The following CLSTN2 variants were observed in gnomAD, a reference collection of about 807,000 sequenced individuals.
The protein encoded by CLSTN2 is calsyntenin-2.
CLSTN2 carries 48 observed loss-of-function variants against 101.2 expected under a neutral mutation model. That is an observed-to-expected ratio of 0.47 (90% CI 0.38 to 0.60). The LOEUF is 0.60. CLSTN2 is among the 20% of genes least tolerant of loss of function. The pLI, the probability that CLSTN2 is intolerant of heterozygous loss-of-function variation, is 0.00. For synonymous variants in CLSTN2, 481 were observed against 463.6 expected (o/e 1.04, Z -0.48); for missense variants, 1,160 against 1,238.2 (o/e 0.94, Z 0.95).
chr3:140,036,751 A>G (rs1348862550), intron 1 of CLSTN2, among the ~76,000 whole-genome samples: 2 of 151,776 alleles, frequency 1.3e-5, no homozygotes, highest in South Asian at 2.1e-4. Flanking sequence ...CCAACATCAG[A>G]TAGAATGCAA....
chr3:140,033,683 G>A (rs1276369388), intron 1 of CLSTN2, among the ~76,000 whole-genome samples: 1 of 152,200 alleles, frequency 6.6e-6, no homozygotes, highest in African/African-American at 2.4e-5. Flanking sequence ...TATTCTTCAG[G>A]GTTCCTGGCT....
intron 4 of CLSTN2, among the ~76,000 whole-genome samples, chr3:140,407,912 A>G (rs905597250): frequency 6.6e-6 from 1 of 152,220 alleles, no homozygotes; most frequent in Non-Finnish European, 1.5e-5. Context: ...GATAATTTAC[A>G]GGATGCATGG....
At chr3:140,126,028 A>T (rs2009424456) in intron 1 of CLSTN2, among the ~76,000 whole-genome samples, 3 of 152,088 alleles carry the variant, frequency 2.0e-5, no homozygotes, top group African/African-American at 7.2e-5. Context: ...AGGCGATAGG[A>T]GGTGATGGTC....
chr3:140,364,786 T>C lies in CLSTN2; in HGVS notation c.233-38843T>C, dbSNP rs151077929. ...TGTGTATTACAGCCACAGGGAAATTTATTCATTCATTCATTCATTCAGGAA... is the reference window on the plus strand; with the variant it reads ...TGTGTATTACAGCCACAGGGAAATTCATTCATTCATTCATTCATTCAGGAA... On this transcript the variant is annotated intron_variant, in intron 2 of 16. Coordinates refer to ENST00000458420, the MANE Select transcript of CLSTN2 (RefSeq NM_022131.3). Among the ~76,000 whole-genome samples, 105 of 152,278 alleles carry C rather than the reference T, an allele frequency of 6.9e-4. 2 individuals are homozygous for C. The East Asian group carries it at 0.011, about 16-fold the overall frequency.
chr3:140,063,891 G>T (rs544039594), intron 1 of CLSTN2, among the ~76,000 whole-genome samples: 1 of 152,304 alleles, frequency 6.6e-6, no homozygotes, highest in African/African-American at 2.4e-5. Flanking sequence ...ACCCAGAACA[G>T]CACGGCCATT....
intron 2 of CLSTN2, among the ~76,000 whole-genome samples, chr3:140,292,362 C>T (rs1477779687): frequency 6.6e-6 from 1 of 152,218 alleles, no homozygotes; most frequent in Non-Finnish European, 1.5e-5. Context: ...TCTGATTCAC[C>T]CAGTTAACTA....
Position 140,568,793 on chromosome 3 carries a change from G to C in CLSTN2, c.*2540G>C, listed in dbSNP as rs1985414881. 1 of 152,112 alleles carries C rather than the reference G, an allele frequency of 6.6e-6. No homozygotes were observed. The highest frequency in any genetic ancestry group is 1.5e-5 in the Non-Finnish European group (1 of 68,046). 9.4% of individuals were successfully genotyped at this position (152,112 alleles called of 1,614,324 possible). On this transcript the variant is annotated 3_prime_UTR_variant, in exon 17 of 17. Transcript: ENST00000458420. ...CTGGGTGGCTGCCTTATTCATAGTTGAGAGAGCTGTTAGGTAAAATCTTTA... is the reference window on the plus strand; with the variant it reads ...CTGGGTGGCTGCCTTATTCATAGTTCAGAGAGCTGTTAGGTAAAATCTTTA...
chr3:140,099,879 C>G (rs983235835), intron 1 of CLSTN2, among the ~76,000 whole-genome samples: 1 of 152,124 alleles, frequency 6.6e-6, no homozygotes, highest in African/African-American at 2.4e-5. Context: ...CTTCTGTTGG[C>G]CAGGCTCTGG....
At chr3:139,982,822 T>C (rs1935953392) in intron 1 of CLSTN2, among the ~76,000 whole-genome samples, 1 of 152,060 alleles carries the variant, frequency 6.6e-6, no homozygotes, top group Non-Finnish European at 1.5e-5. Context: ...TTGAGATAAG[T>C]TGGAAATGTT....
chr3:140,304,950 T>A (rs1028938347), intron 2 of CLSTN2, among the ~76,000 whole-genome samples: 16 of 152,136 alleles, frequency 1.1e-4, no homozygotes, highest in African/African-American at 3.9e-4. Flanking sequence ...ATGCCCTGAA[T>A]GTTGCATTAG....
chr3:140,372,240 C>T (rs969343569), intron 2 of CLSTN2, among the ~76,000 whole-genome samples: 4 of 152,170 alleles, frequency 2.6e-5, no homozygotes, highest in Non-Finnish European at 5.9e-5. Context: ...AGATGGCCTC[C>T]TGATCCCCGT....
chr3:140,575,319 A>G lies in CLSTN2; in HGVS notation c.*9066A>G, dbSNP rs1985699502. The G allele has an allele frequency of 6.6e-6, 1 of 152,212 alleles. No homozygotes were observed. The highest frequency in any genetic ancestry group is 1.5e-5 in the Non-Finnish European group (1 of 68,074). 9.4% of individuals were successfully genotyped at this position (152,212 alleles called of 1,614,324 possible). On this transcript the variant is annotated 3_prime_UTR_variant, in exon 17 of 17. Coordinates refer to ENST00000458420, the MANE Select transcript of CLSTN2 (RefSeq NM_022131.3). Reference sequence around the variant, plus strand: ...GGGTACAAGTGACAGCACCAGGAACAACCCCCTCCCCCAGATGCCAAAGCA... The same window carrying G: ...GGGTACAAGTGACAGCACCAGGAACGACCCCCTCCCCCAGATGCCAAAGCA...
intron 2 of CLSTN2, among the ~76,000 whole-genome samples, chr3:140,392,971 A>G (rs1420140149): frequency 6.6e-6 from 1 of 152,102 alleles, no homozygotes; most frequent in Non-Finnish European, 1.5e-5. Flanking sequence ...ATATGACAAG[A>G]AGGCTGAGTG....
At chr3:140,184,515 G>C (rs960636564) in intron 2 of CLSTN2, among the ~76,000 whole-genome samples, 9 of 152,118 alleles carry the variant, frequency 5.9e-5, no homozygotes, top group African/African-American at 2.2e-4. Context: ...GAGCCAGTCA[G>C]CTTCCATTAG....
intron 2 of CLSTN2, among the ~76,000 whole-genome samples, chr3:140,250,208 G>A (rs2086550604): frequency 6.6e-6 from 1 of 152,130 alleles, no homozygotes; most frequent in Admixed American, 6.5e-5. Context: ...AGGGATTATG[G>A]GTGAGTTATG....
intron 1 of CLSTN2, among the ~76,000 whole-genome samples, chr3:140,171,336 A>G (rs2010209416): frequency 6.6e-6 from 1 of 151,954 alleles, no homozygotes; most frequent in Admixed American, 6.6e-5. Context: ...AGGGGCCAAG[A>G]CCTGAGAATA....
chr3:140,003,906 A>T (rs1174742951), intron 1 of CLSTN2, among the ~76,000 whole-genome samples: 2 of 152,202 alleles, frequency 1.3e-5, no homozygotes, highest in African/African-American at 2.4e-5. Flanking sequence ...TGGATTATCC[A>T]TGAGTCCATT....
intron 2 of CLSTN2, among the ~76,000 whole-genome samples, chr3:140,361,523 G>A (rs1576532427): frequency 6.6e-6 from 1 of 152,218 alleles, no homozygotes; most frequent in East Asian, 1.9e-4. Context: ...CATTTGGATT[G>A]GAAAGGAAGA....
chr3:140,006,145 T>G (rs2006948897), intron 1 of CLSTN2, among the ~76,000 whole-genome samples: 1 of 152,198 alleles, frequency 6.6e-6, no homozygotes, highest in Non-Finnish European at 1.5e-5. Context: ...CTCAGTGGAG[T>G]TTCCATGGGT....
Sources: gnomAD v4.1 joint callset for allele counts (sites outside exome capture counted in the v4.1 genomes callset) on GRCh38, gnomAD v4.1.1 for gene constraint, MANE v1.5 for transcripts, NCBI Gene and HGNC (gene_info 2026-07-23, HGNC 2026-07-21) for gene names.